Variants in CTNNA2 observed in about 807,000 individuals in gnomAD.
The protein encoded by CTNNA2 is catenin alpha-2.
A neutral mutation model predicts 101.0 loss-of-function variants in CTNNA2; 42 were observed. The observed-to-expected ratio is 0.42, with a 90% CI of 0.32 to 0.54. CTNNA2 has a LOEUF of 0.54. Among genes scored for constraint, CTNNA2 ranks in the 20% least tolerant of loss-of-function variants. The pLI is 0.14. For missense variants in CTNNA2, 871 were observed against 1,223.1 expected, an observed-to-expected ratio of 0.71 and a Z score of 4.29; for synonymous variants, 450 against 456.4, an observed-to-expected ratio of 0.99 and a Z score of 0.18.
chr2:80,085,428 CAA>C (rs1231534856), intron 7 of CTNNA2, among the ~76,000 whole-genome samples: 2 of 151,918 alleles, frequency 1.3e-5, no homozygotes, highest in African/African-American at 4.8e-5. Context: ...AACCATGGTG[CAA>C]AAAGAGAACA....
intron 7 of CTNNA2, among the ~76,000 whole-genome samples, chr2:80,002,873 T>C (rs1342637611): frequency 3.0e-4 from 45 of 152,028 alleles, no homozygotes; most frequent in Admixed American, 2.9e-3. Flanking sequence ...TTCCTTTCCC[T>C]CCCTCCCTTT....
intron 1 of CTNNA2, among the ~76,000 whole-genome samples, chr2:79,606,278 T>C (rs1390019790): frequency 6.6e-6 from 1 of 152,166 alleles, no homozygotes; most frequent in African/African-American, 2.4e-5. Flanking sequence ...TTTTGTTTGT[T>C]TATTTTTGAG....
intron 7 of CTNNA2, among the ~76,000 whole-genome samples, chr2:80,110,950 A>G (rs548242370): frequency 7.3e-4 from 111 of 152,326 alleles, no homozygotes; most frequent in Non-Finnish European, 3.1e-4. Flanking sequence ...ACAGTTCAGC[A>G]TGGCTGGGGA....
chr2:80,239,942 A>G (rs921413954), intron 7 of CTNNA2, among the ~76,000 whole-genome samples: 1 of 152,128 alleles, frequency 6.6e-6, no homozygotes, highest in African/African-American at 2.4e-5. Context: ...AAAACAAAAC[A>G]AAACAAAGTC....
At chr2:79,306,862 ATAAC>A (rs1676260034) in intron 2 of CTNNA2, among the ~76,000 whole-genome samples, 1 of 152,176 alleles carries the variant, frequency 6.6e-6, no homozygotes, top group Non-Finnish European at 1.5e-5. Flanking sequence ...CAGGTTTTTG[ATAAC>A]TAATGAGATA....
intron 1 of CTNNA2, among the ~76,000 whole-genome samples, chr2:79,537,776 T>C (rs4852498): frequency 0.68 from 103,481 of 151,218 alleles, 35,582 homozygotes; most frequent in Non-Finnish European, 0.72. Context: ...GTTTAGCACA[T>C]GTTTCTTGAA....
At chr2:80,413,976 G>A (rs1357354978) in intron 8 of CTNNA2, among the ~76,000 whole-genome samples, 1 of 152,126 alleles carries the variant, frequency 6.6e-6, no homozygotes, top group Non-Finnish European at 1.5e-5. Context: ...ATGTTAAATG[G>A]TCAGGCATTT....
At chr2:80,599,381 G>A (rs1697263112) in intron 15 of CTNNA2, among the ~76,000 whole-genome samples, 1 of 152,106 alleles carries the variant, frequency 6.6e-6, no homozygotes, top group Non-Finnish European at 1.5e-5. Flanking sequence ...AGCATTAAAA[G>A]AACATGCTAC....
intron 7 of CTNNA2, among the ~76,000 whole-genome samples, chr2:79,911,100 A>G (rs946245454): frequency 6.6e-6 from 1 of 152,180 alleles, no homozygotes; most frequent in Non-Finnish European, 1.5e-5. Flanking sequence ...CTGGATGACC[A>G]ACACTTTCTG....
chr2:80,604,612 A>C (rs1697844795), intron 16 of CTNNA2, among the ~76,000 whole-genome samples: 1 of 152,038 alleles, frequency 6.6e-6, no homozygotes, highest in African/African-American at 2.4e-5. Flanking sequence ...GGTGCTTATC[A>C]CATTTAAAAA....
At position 80,362,420 on chromosome 2, in the gene CTNNA2, C is replaced by A. The variant is rs114964660; in HGVS notation, c.1057-30791C>A. ...CTTTTTCTTTTTTGATTTGTGCTTA[C>A]CCTTACACATCTTAGGAAGCCACTC... is the stretch of plus-strand genomic sequence containing the variant. On this transcript the variant is annotated intron_variant, in intron 7 of 18. Coordinates refer to ENST00000402739, the MANE Select transcript of CTNNA2 (RefSeq NM_001282597.3). Among the ~76,000 whole-genome samples, 925 of 152,184 alleles carry A rather than the reference C, an allele frequency of 6.1e-3. 11 individuals carry two copies. The highest frequency in any genetic ancestry group is 0.021 in the African/African-American group (865 of 41,546).
At chr2:79,269,356 C>G (rs1488608948) in intron 2 of CTNNA2, among the ~76,000 whole-genome samples, 2 of 152,062 alleles carry the variant, frequency 1.3e-5, no homozygotes, top group African/African-American at 4.8e-5. Flanking sequence ...CTGAGCCTAA[C>G]CAGGCTGAAG....
intron 2 of CTNNA2, among the ~76,000 whole-genome samples, chr2:79,730,708 G>C (rs1454017315): frequency 6.6e-6 from 1 of 151,852 alleles, no homozygotes; most frequent in Non-Finnish European, 1.5e-5. Flanking sequence ...ACCATGATTT[G>C]ATAAAGTATT....
At chr2:79,511,972 T>C (rs1671556114), upstream of CTNNA2, among the ~76,000 whole-genome samples, 1 of 152,210 alleles carries the variant, frequency 6.6e-6, no homozygotes, top group Non-Finnish European at 1.5e-5. Flanking sequence ...TCCACAGATT[T>C]TCTTTTTGTT....
At chr2:80,637,526 G>A (rs1673010007) in intron 18 of CTNNA2, among the ~76,000 whole-genome samples, 1 of 152,074 alleles carries the variant, frequency 6.6e-6, no homozygotes, top group Admixed American at 6.6e-5. Flanking sequence ...GGTGATCACA[G>A]GAACAAAAGG....
intron 12 of CTNNA2, among the ~76,000 whole-genome samples, chr2:80,564,376 C>T (rs931503565): frequency 2.0e-5 from 3 of 152,118 alleles, no homozygotes; most frequent in Non-Finnish European, 4.4e-5. Flanking sequence ...TTTTGAAATG[C>T]TTATTTTAAA....
intron 7 of CTNNA2, among the ~76,000 whole-genome samples, chr2:80,144,115 A>T (rs1703181153): frequency 6.6e-6 from 1 of 152,096 alleles, no homozygotes; most frequent in Admixed American, 6.6e-5. Context: ...TTTAGCTCTA[A>T]CACAAGTGTT....
At chr2:80,589,717 A>G (rs930985223) in intron 15 of CTNNA2, among the ~76,000 whole-genome samples, 11 of 152,238 alleles carry the variant, frequency 7.2e-5, no homozygotes, top group Non-Finnish European at 1.0e-4. Flanking sequence ...TGTTATAATT[A>G]TCTACCCTAA....
rs567131551 is a variant in CTNNA2 at position 80,591,457 on chromosome 2, G to GTTTTTTTTTTTTTTTTTTTTTTTTT, written c.2189+1993_2189+1994insTTTTTTTTTTTTTTTTTTTTTTTTT. Among the ~76,000 whole-genome samples the GTTTTTTTTTTTTTTTTTTTTTTTTT allele has an allele frequency of 2.3e-4, 16 of 70,310 alleles. 2 individuals carry two copies. Among genetic ancestry groups the GTTTTTTTTTTTTTTTTTTTTTTTTT allele is most frequent in the South Asian group, 8.5e-4 (2 of 2,348 alleles). The allele number at this position is 70,310 out of a possible 152,430, so 46.1% of individuals were successfully genotyped here. ...ATTGCTGCCTCCATCTGCACAGCCTGTTTTTTTTTTTTTTTTTTTTTGCAA... is the reference window on the plus strand; with the variant it reads ...ATTGCTGCCTCCATCTGCACAGCCTGTTTTTTTTTTTTTTTTTTTTTTTTTTTTTTTTTTTTTTTTTTTTTTGCAA... On this transcript the variant is annotated intron_variant, in intron 15 of 18. Transcript: ENST00000402739.
Sources: allele counts gnomAD v4.1 joint callset (sites outside exome capture counted in the v4.1 genomes callset), GRCh38; gene constraint gnomAD v4.1.1; transcripts MANE v1.5; gene names NCBI Gene and HGNC (gene_info 2026-07-23, HGNC 2026-07-21).